The following LYPLAL1 variants were observed in gnomAD, a reference collection of about 807,000 sequenced individuals.
The protein encoded by LYPLAL1 is lysophospholipase like 1.
LYPLAL1 carries 23 observed loss-of-function variants against 19.7 expected under a neutral mutation model. The observed-to-expected ratio is 1.17, with a 90% CI of 0.84 to 1.65. The LOEUF (loss-of-function observed/expected upper bound fraction) is 1.65. Among genes scored for constraint, LYPLAL1 ranks in the 40% most tolerant of loss-of-function variants. The pLI is 0.00. For synonymous variants in LYPLAL1, 119 were observed against 96.3 expected (o/e 1.24, Z -1.38); for missense variants, 355 against 279.4 (o/e 1.27, Z -1.93).
chr1:219,419,176 G>A, the LYPLAL1 span, among the ~76,000 whole-genome samples: 1 of 152,166 alleles, frequency 6.6e-6, no homozygotes, highest in African/African-American at 2.4e-5. Context: ...ATCAAGAAGA[G>A]TGATTGTGAT....
In LYPLAL1 at chr1:219,193,113, A is replaced by G; in HGVS notation, c.223A>G (p.Asn75Asp). 1 of 1,606,574 alleles carries G rather than the reference A, an allele frequency of 6.2e-7. No homozygotes were observed. The highest frequency in any genetic ancestry group is 8.5e-7 in the Non-Finnish European group (1 of 1,175,544). The change falls in exon 3 of 5, where the codon AAT (asparagine) becomes GAT (aspartate). Residue 75 changes from asparagine to aspartate, a missense_variant. Physicochemically the swap from Asn to Asp is conservative, Grantham distance 23 (BLOSUM62 1). Coordinates refer to ENST00000366928, the MANE Select transcript of LYPLAL1 (RefSeq NM_138794.5). ...TACTCCTATGAAAGGAGGAATCTCCAATGTATGGTTTGACAGATTTAAAAT... is the reference window on the plus strand; with the variant it reads ...TACTCCTATGAAAGGAGGAATCTCCGATGTATGGTTTGACAGATTTAAAAT... ...SYTPMKGGIS[N>D]VWFDRFKITN...
chr1:219,368,964 T>G, the LYPLAL1 span, among the ~76,000 whole-genome samples: 364 of 152,372 alleles, frequency 2.4e-3, 3 homozygotes, highest in African/African-American at 8.4e-3. Context: ...GTTCCTTCTT[T>G]ATTTATATTC....
the LYPLAL1 span, among the ~76,000 whole-genome samples, chr1:219,243,887 C>T: frequency 4.0e-5 from 6 of 149,444 alleles, no homozygotes; most frequent in East Asian, 9.9e-4. Flanking sequence ...CCACTGCACT[C>T]CAGCCTGGGG....
At chr1:219,330,221 A>T in the LYPLAL1 span, among the ~76,000 whole-genome samples, 1 of 152,214 alleles carries the variant, frequency 6.6e-6, no homozygotes, top group African/African-American at 2.4e-5. Context: ...AAAAGCTAGT[A>T]AGCCACAGAA....
At chr1:219,336,032 C>A in the LYPLAL1 span, among the ~76,000 whole-genome samples, 150,186 of 150,368 alleles carry the variant, frequency 1, 75,003 homozygotes, top group Middle Eastern at 1. Context: ...CAGCAGAGGT[C>A]GAATGTCTTT....
the LYPLAL1 span, among the ~76,000 whole-genome samples, chr1:219,345,071 T>A: frequency 6.6e-6 from 1 of 152,222 alleles, no homozygotes; most frequent in Non-Finnish European, 1.5e-5. Flanking sequence ...TTTCAGCACA[T>A]GATTTGTAAT....
chr1:219,304,067 G>T, the LYPLAL1 span, among the ~76,000 whole-genome samples: 1 of 152,172 alleles, frequency 6.6e-6, no homozygotes, highest in Non-Finnish European at 1.5e-5. Context: ...GATTGAAGAT[G>T]TATGTCCCCT....
the LYPLAL1 span, among the ~76,000 whole-genome samples, chr1:219,398,742 C>A: frequency 1.3e-5 from 2 of 152,114 alleles, no homozygotes; most frequent in African/African-American, 4.8e-5. Context: ...TTATCCTATT[C>A]GATGACCTCG....
At chr1:219,442,708 A>C in the LYPLAL1 span, 15 of 152,048 alleles carry the variant, frequency 9.9e-5, no homozygotes, top group African/African-American at 3.6e-4. Flanking sequence ...CTGCTCATTC[A>C]ATATCATCAA....
the LYPLAL1 span, among the ~76,000 whole-genome samples, chr1:219,237,541 C>T: frequency 6.6e-6 from 1 of 152,148 alleles, no homozygotes; most frequent in African/African-American, 2.4e-5. Context: ...AATGGTGACT[C>T]CGTTTTGTAT....
At chr1:219,410,894 A>G in the LYPLAL1 span, among the ~76,000 whole-genome samples, 1 of 152,228 alleles carries the variant, frequency 6.6e-6, no homozygotes, top group East Asian at 1.9e-4. Flanking sequence ...CCCACGGGGC[A>G]GGGCTCGGGA....
the LYPLAL1 span, among the ~76,000 whole-genome samples, chr1:219,249,752 A>G: frequency 6.6e-6 from 1 of 152,028 alleles, no homozygotes; most frequent in African/African-American, 2.4e-5. Context: ...CTTTAGTGGT[A>G]TGCACTGTGC....
the LYPLAL1 span, among the ~76,000 whole-genome samples, chr1:219,221,611 G>A: frequency 6.6e-6 from 1 of 152,212 alleles, no homozygotes; most frequent in African/African-American, 2.4e-5. Flanking sequence ...AGGCCTATCT[G>A]CTGGTAGCTG....
intron 2 of LYPLAL1, among the ~76,000 whole-genome samples, chr1:219,186,814 A>G (rs1445966641): frequency 1.3e-5 from 2 of 151,930 alleles, no homozygotes; most frequent in East Asian, 3.9e-4. Flanking sequence ...CCAAACTGAT[A>G]ATTTGTCTTC....
chr1:219,411,252 G>T, the LYPLAL1 span, among the ~76,000 whole-genome samples: 1 of 148,988 alleles, frequency 6.7e-6, no homozygotes, highest in African/African-American at 2.5e-5. Context: ...GTGAGGACGT[G>T]GAGAGTCTTT....
chr1:219,332,826 C>G, the LYPLAL1 span, among the ~76,000 whole-genome samples: 15 of 142,110 alleles, frequency 1.1e-4, no homozygotes, highest in East Asian at 3.0e-3. Flanking sequence ...TTTTCTGCCC[C>G]CCCCCCCCAA....
chr1:219,432,138 G>A, the LYPLAL1 span, among the ~76,000 whole-genome samples: 1 of 152,140 alleles, frequency 6.6e-6, no homozygotes, highest in Admixed American at 6.5e-5. Flanking sequence ...CTGCCCTGAT[G>A]GGAAGGAAGA....
chr1:219,437,251 C>G, the LYPLAL1 span: 66 of 152,330 alleles, frequency 4.3e-4, no homozygotes, highest in African/African-American at 1.5e-3. Context: ...AGCAGGAATG[C>G]CACCATCAGC....
At chr1:219,315,092 A>G in the LYPLAL1 span, among the ~76,000 whole-genome samples, 2 of 152,164 alleles carry the variant, frequency 1.3e-5, no homozygotes, top group African/African-American at 4.8e-5. Flanking sequence ...ACCAGATCTT[A>G]GCATAAATGA....
Sources: allele counts gnomAD v4.1 joint callset (sites outside exome capture counted in the v4.1 genomes callset), GRCh38; gene constraint gnomAD v4.1.1; transcripts MANE v1.5; gene names NCBI Gene and HGNC (gene_info 2026-07-23, HGNC 2026-07-21).